Variants in SYNE1 observed in about 807,000 individuals in gnomAD.
SYNE1 encodes the protein spectrin repeat containing nuclear envelope protein 1.
Under a neutral mutation model 1,111.0 loss-of-function variants are expected in SYNE1, and 616 were observed. The observed-to-expected ratio is 0.55, with a 90% confidence interval of 0.52 to 0.59. The LOEUF is 0.59. SYNE1 is among the 20% of genes least tolerant of loss of function. The pLI, the probability that SYNE1 is intolerant of heterozygous loss-of-function variation, is 0.00. For missense variants in SYNE1, 10,006 were observed against 10,417.0 expected (o/e 0.96, Z 1.72); for synonymous variants, 3,855 against 3,825.8 (o/e 1.01, Z -0.28).
intron 132 of SYNE1, 108 bp from the exon 133 acceptor site, chr6:152,155,150 T>C (rs979142142): frequency 1.4e-6 from 2 of 1,386,224 alleles, no homozygotes; most frequent in Non-Finnish European, 2.0e-6. Flanking sequence ...GAGGCAACTG[T>C]TGTGCCAAAC....
At chr6:152,565,646 C>T (rs763322710) in intron 3 of SYNE1, among the ~76,000 whole-genome samples, 9 of 150,594 alleles carry the variant, frequency 6.0e-5, no homozygotes, top group Non-Finnish European at 1.3e-4. Context: ...TTCCCTTATT[C>T]AGACAAGTTC....
chr6:152,426,081 C>A (rs544217376), intron 38 of SYNE1, among the ~76,000 whole-genome samples: 2 of 152,242 alleles, frequency 1.3e-5, no homozygotes, highest in South Asian at 4.1e-4. Flanking sequence ...AACAGAACTC[C>A]TTCATTTTAA....
chr6:152,300,016 T>C (rs2095089218), intron 93 of SYNE1, among the ~76,000 whole-genome samples: 1 of 152,236 alleles, frequency 6.6e-6, no homozygotes, highest in Admixed American at 6.5e-5. Context: ...TTTAGTATTA[T>C]CTACATTTAA....
At chr6:152,359,203 T>C (rs2096890140) in intron 65 of SYNE1, 112 bp downstream of exon 65, 3 of 1,478,120 alleles carry the variant, frequency 2.0e-6, no homozygotes. Context: ...TCATTTTGCT[T>C]TTGTTCTGTT....
chr6:152,321,805 A>G lies in SYNE1; in HGVS notation c.15999T>C (p.Asn5333=), dbSNP rs763907153. Residue 5333 remains asparagine (N), a synonymous_variant, in exon 83 of 146, where the codon AAT becomes AAC. Transcript: ENST00000367255. Reference sequence around the variant, plus strand: ...TTTCCTGAACCCAACATTTCACAGAATTGATCTGAGTCTCCACCATTTCTC... The same window carrying G: ...TTTCCTGAACCCAACATTTCACAGAGTTGATCTGAGTCTCCACCATTTCTC... The part of the protein sequence containing the change: ...KDREMVETQI[N]SVKCWVQETK... 2 of 1,613,914 alleles carry G rather than the reference A, an allele frequency of 1.2e-6. No homozygotes were observed. Among genetic ancestry groups the G allele is most frequent in the Admixed American group, 3.3e-5 (2 of 59,998 alleles).
At chr6:152,313,404 A>G (rs570769087) in intron 87 of SYNE1, among the ~76,000 whole-genome samples, 16 of 151,990 alleles carry the variant, frequency 1.1e-4, no homozygotes, top group East Asian at 9.7e-4. Flanking sequence ...TCAGGCCCCT[A>G]CGAAGTCACT....
chr6:152,367,286 T>A lies in SYNE1; in HGVS notation c.9904A>T (p.Met3302Leu). The A allele has an allele frequency of 6.2e-7, 1 of 1,614,240 alleles. No individual in the cohort carries two copies. Among genetic ancestry groups the A allele is most frequent in the Non-Finnish European group, 8.5e-7 (1 of 1,180,042 alleles). ...LQDWMTDAIH[M>L]LDSYCHPTSD... is the part of the protein sequence containing the mutation. ...GTCGGGTGGCAGTATGAATCCAGCA[T>A]GTGAATCGCATCCGTCATCCAGTCT... The change falls in exon 62 of 146, where the codon ATG becomes TTG. Residue 3302 changes from methionine (M) to leucine (L), a missense_variant. By Grantham distance (15) the Met-to-Leu change is conservative. Transcript: ENST00000367255.
chr6:152,435,543 A>T (rs2098466126), intron 33 of SYNE1: 1 of 203,800 alleles, frequency 4.9e-6, no homozygotes, highest in Non-Finnish European at 9.8e-6. Flanking sequence ...TGTGATGTGT[A>T]TTTAGGCCTG....
intron 137 of SYNE1, chr6:152,145,808 T>C: frequency 2.4e-6 from 1 of 423,834 alleles, no homozygotes; most frequent in Non-Finnish European, 4.4e-6. Flanking sequence ...GTGGATCACC[T>C]GAGGTCAGGA....
At chr6:152,589,026 T>TGG (rs759410751) in intron 3 of SYNE1, among the ~76,000 whole-genome samples, 2 of 152,048 alleles carry the variant, frequency 1.3e-5, no homozygotes, top group South Asian at 4.1e-4. Flanking sequence ...CTTGGCTCAC[T>TGG]GCAACCTCTA....
In SYNE1 at chr6:152,208,076, T is replaced by C. The variant is rs1193378267; in HGVS notation, c.22720A>G (p.Lys7574Glu). ...ACTTCAACCAACCATTTACGAAGCT[T>C]TTCTGCCATCTCCCTATAGCGCTGC... ...QWQRYREMAEKLRKWLVEVSY... is the reference protein window; with the variant it reads ...QWQRYREMAEELRKWLVEVSY... The change falls in exon 125 of 146, where the codon AAG becomes GAG. Residue 7574 changes from lysine (K) to glutamate (E), a missense_variant. Physicochemically the swap from Lys to Glu is moderately conservative, Grantham distance 56. This residue lies in a region of SYNE1 where 2,182 missense variants were observed against 2,287.8 expected (regional missense o/e 0.95). Transcript: ENST00000367255. 2 of 1,614,050 alleles carry C rather than the reference T, an allele frequency of 1.2e-6. No homozygotes were observed. The highest frequency in any genetic ancestry group is 1.7e-5 in the Admixed American group (1 of 60,012).
At chr6:152,160,605 T>C (rs1369569223) in intron 131 of SYNE1, among the ~76,000 whole-genome samples, 1 of 152,226 alleles carries the variant, frequency 6.6e-6, no homozygotes, top group Non-Finnish European at 1.5e-5. Context: ...GTATGAAGTG[T>C]ATTTTCCTCT....
intron 31 of SYNE1, 137 bp from the exon 32 acceptor site, chr6:152,441,407 T>A: frequency 1.1e-6 from 1 of 873,954 alleles, no homozygotes. Context: ...ATAGAGATGA[T>A]TCTAGTATCT....
intron 55 of SYNE1, among the ~76,000 whole-genome samples, chr6:152,384,848 C>G (rs974726292): frequency 6.6e-5 from 10 of 151,306 alleles, no homozygotes; most frequent in African/African-American, 2.4e-4. Flanking sequence ...CCACTGCACT[C>G]CAGCCTGGGT....
chr6:152,335,987 A>G (rs2096379587), intron 76 of SYNE1: 1 of 151,698 alleles, frequency 6.6e-6, no homozygotes, highest in South Asian at 2.1e-4. Context: ...ACACCCGGCC[A>G]CAATTTCCTA....
rs372205287 is a variant in SYNE1 at position 152,325,236 on chromosome 6, G to A, written c.15505C>T (p.Leu5169=). The change falls in exon 81 of 146, where the codon CTG becomes TTG. Residue 5169 remains leucine, a synonymous_variant. Coordinates refer to ENST00000367255, the MANE Select transcript of SYNE1 (RefSeq NM_182961.4). ...IVALEEKASQ[L]EKTGNDASKA... is the part of the protein sequence containing the mutation. ...CTGGCATCATTTCCGGTTTTCTCCAGTTGTGAAGCTTTTTCCTCAAGGGCC... is the reference window on the plus strand; with the variant it reads ...CTGGCATCATTTCCGGTTTTCTCCAATTGTGAAGCTTTTTCCTCAAGGGCC... The A allele has an allele frequency of 4.0e-5, 65 of 1,614,048 alleles. No individual in the cohort carries two copies. Among genetic ancestry groups the A allele is most frequent in the Non-Finnish European group, 5.0e-5 (59 of 1,180,048 alleles).
chr6:152,164,461 A>C (rs2063204491), intron 130 of SYNE1, 136 bp from the exon 131 acceptor site: 1 of 1,001,376 alleles, frequency 1.0e-6, no homozygotes, highest in Non-Finnish European at 1.5e-6. Flanking sequence ...AGCCAAAGAC[A>C]GAAGACAAAG....
At position 152,626,383 on chromosome 6, in the gene SYNE1, G is replaced by A. The variant is rs139854289; in HGVS notation, c.67+1882C>T. ...CCCACACTTTTGTAAGGGACTCACC[G>A]ACTTCCTTTCCATCATTTCATAGAT... is the stretch of plus-strand genomic sequence containing the variant. On this transcript the variant is annotated intron_variant, in intron 3 of 145. Transcript: ENST00000367255. 7.1e-4 allele frequency among the ~76,000 whole-genome samples: 108 copies of A among 152,220 alleles called. 1 individual carries two copies. In the East Asian group the frequency reaches 0.014, roughly 20 times the overall value.
intron 105 of SYNE1, among the ~76,000 whole-genome samples, chr6:152,245,326 C>T (rs1396569356): frequency 1.3e-5 from 2 of 152,116 alleles, no homozygotes; most frequent in African/African-American, 2.4e-5. Flanking sequence ...GTACTATACT[C>T]GATAATGCAA....
Sources: gnomAD v4.1 joint callset for allele counts (sites outside exome capture counted in the v4.1 genomes callset) on GRCh38, gnomAD v4.1.1 for gene constraint, gnomAD v4.1.1 regional missense constraint, MANE v1.5 for transcripts, NCBI Gene and HGNC (gene_info 2026-07-23, HGNC 2026-07-21) for gene names.